The following KCNC2 variants were observed in gnomAD, a reference collection of about 807,000 sequenced individuals.
The protein encoded by KCNC2 is voltage-gated potassium channel KCNC2.
A neutral mutation model predicts 44.5 loss-of-function variants in KCNC2; 21 were observed. That is an observed-to-expected ratio of 0.47 (90% confidence interval 0.33 to 0.68). The LOEUF (loss-of-function observed/expected upper bound fraction) is 0.68. Ranked by LOEUF, KCNC2 falls within the 30% of genes least tolerant of loss-of-function variation. The probability of loss-of-function intolerance (pLI) is 0.01; values close to 1 mark genes in which losing one functional copy is unlikely to be tolerated. For missense variants in KCNC2, 589 were observed against 826.2 expected (o/e 0.71, Z 3.52); for synonymous variants, 391 against 339.1 (o/e 1.15, Z -1.68).
At chr12:75,050,322 G>C in intron 3 of KCNC2, 68 bp downstream of exon 3, 1 of 1,111,650 alleles carries the variant, frequency 9.0e-7, no homozygotes, top group Non-Finnish European at 1.3e-6. Context: ...GAGAATGACT[G>C]CCTTCTGCCT....
At chr12:75,174,112 A>C (rs1215921970) in intron 2 of KCNC2, among the ~76,000 whole-genome samples, 1 of 150,482 alleles carries the variant, frequency 6.6e-6, no homozygotes, top group Non-Finnish European at 1.5e-5. Flanking sequence ...ATTTAAGTTA[A>C]ATACTGTTCT....
In KCNC2 at chr12:75,092,215, A is replaced by G. The variant is rs1885544975; in HGVS notation, c.688-40898T>C. Among the ~76,000 whole-genome samples, 5 of 151,796 alleles carry G rather than the reference A, an allele frequency of 3.3e-5. No homozygotes were observed. In the South Asian group the frequency reaches 1.0e-3, roughly 31 times the overall value. ...CTGCACTTAAGAACAAAGTAAAAGC[A>G]ACTGAATGGCAAAGTCAAAGCCACG... is the stretch of plus-strand genomic sequence containing the variant. On this transcript the variant is annotated intron_variant, in intron 2 of 4. Coordinates refer to ENST00000549446, the MANE Select transcript of KCNC2 (RefSeq NM_139137.4).
chr12:75,100,115 T>C (rs554246481), intron 2 of KCNC2, among the ~76,000 whole-genome samples: 43 of 151,504 alleles, frequency 2.8e-4, no homozygotes, highest in Non-Finnish European at 4.4e-4. Context: ...GGGTTCATCA[T>C]AAGATTTAGT....
intron 2 of KCNC2, among the ~76,000 whole-genome samples, chr12:75,167,461 C>G (rs1891534814): frequency 6.6e-6 from 1 of 151,072 alleles, no homozygotes; most frequent in Admixed American, 6.6e-5. Context: ...GTAATAATTA[C>G]AAGGTAGGAA....
chr12:75,185,910 G>C (rs926850950), intron 2 of KCNC2, among the ~76,000 whole-genome samples: 1 of 151,862 alleles, frequency 6.6e-6, no homozygotes, highest in African/African-American at 2.4e-5. Context: ...GCCGGTCATG[G>C]TGGCAGGTGC....
chr12:75,125,740 G>A (rs878979215), intron 2 of KCNC2, among the ~76,000 whole-genome samples: 10 of 152,066 alleles, frequency 6.6e-5, no homozygotes, highest in Admixed American at 3.3e-4. Flanking sequence ...GCCAATTTAC[G>A]TGCCAAACTC....
intron 2 of KCNC2, among the ~76,000 whole-genome samples, chr12:75,135,045 C>T (rs1400605458): frequency 6.6e-6 from 1 of 151,706 alleles, no homozygotes; most frequent in African/African-American, 2.4e-5. Flanking sequence ...AAAATATTTT[C>T]GTATTTATAC....
At chr12:75,149,977 T>C (rs2137457412) in intron 2 of KCNC2, among the ~76,000 whole-genome samples, 1 of 151,938 alleles carries the variant, frequency 6.6e-6, no homozygotes, top group Admixed American at 6.6e-5. Context: ...CATGGACATT[T>C]TAATTTGCCA....
At chr12:75,121,861 G>T (rs1036144322) in intron 2 of KCNC2, among the ~76,000 whole-genome samples, 9 of 152,094 alleles carry the variant, frequency 5.9e-5, no homozygotes, top group African/African-American at 2.2e-4. Flanking sequence ...GAAAAGAAAA[G>T]TGAGGCCCTT....
intron 2 of KCNC2, among the ~76,000 whole-genome samples, chr12:75,167,162 C>T (rs1323225082): frequency 1.3e-5 from 2 of 151,254 alleles, no homozygotes; most frequent in South Asian, 4.1e-4. Context: ...CAACTATATA[C>T]TGACAAATTA....
intron 2 of KCNC2, among the ~76,000 whole-genome samples, chr12:75,197,111 C>T (rs2030837377): frequency 6.6e-6 from 1 of 152,116 alleles, no homozygotes; most frequent in East Asian, 1.9e-4. Context: ...TTTTAGTCAA[C>T]ATCTTAGGTG....
At chr12:75,086,660 C>CAA (rs751242858) in intron 2 of KCNC2, among the ~76,000 whole-genome samples, 33 of 116,972 alleles carry the variant, frequency 2.8e-4, no homozygotes, top group Admixed American at 3.9e-4. Context: ...GTTCATTTGG[C>CAA]AAAAAAAAAA....
intron 2 of KCNC2, among the ~76,000 whole-genome samples, chr12:75,172,220 A>G (rs1199772870): frequency 6.6e-6 from 1 of 151,812 alleles, no homozygotes; most frequent in Non-Finnish European, 1.5e-5. Context: ...AAACCAACGC[A>G]GGAACAGAAA....
intron 2 of KCNC2, among the ~76,000 whole-genome samples, chr12:75,064,387 A>G (rs1326530791): frequency 1.3e-5 from 2 of 151,952 alleles, no homozygotes; most frequent in African/African-American, 4.8e-5. Flanking sequence ...CATGTTATCA[A>G]TGTGATTGTT....
In KCNC2 at chr12:75,042,207, T is replaced by C. The variant is rs1297584557; in HGVS notation, c.*898A>G. 1.9e-5 allele frequency: 10 copies of C among 513,016 alleles called. No homozygotes were observed. Among genetic ancestry groups the C allele is most frequent in the Non-Finnish European group, 2.7e-5 (10 of 365,388 alleles). The allele number at this position is 513,016 out of a possible 1,614,324, so 31.8% of individuals were successfully genotyped here. ...TGAAAATGATGACAAACCCTGGGTATTTTTTTTTTTTAAAGAGTCTAGAAC... is the reference window on the plus strand; with the variant it reads ...TGAAAATGATGACAAACCCTGGGTACTTTTTTTTTTTAAAGAGTCTAGAAC... On this transcript the variant is annotated 3_prime_UTR_variant, in exon 5 of 5. Transcript: ENST00000549446.
rs1467475171 is a variant in KCNC2, at chr12:75,040,632, A to T, written c.*2473T>A. 1 of 156,524 alleles carries T rather than the reference A, an allele frequency of 6.4e-6. No homozygotes were observed. Among genetic ancestry groups the T allele is most frequent in the Non-Finnish European group, 1.4e-5 (1 of 70,122 alleles). The allele number at this position is 156,524 out of a possible 1,614,324, so 9.7% of individuals were successfully genotyped here. On this transcript the variant is annotated 3_prime_UTR_variant, in exon 5 of 5. Coordinates refer to ENST00000549446, the MANE Select transcript of KCNC2 (RefSeq NM_139137.4). ...GAACTAAACAAATATGTGACTAAAC[A>T]TAGGTCATTTTTGATAAATGAATAC...
intron 2 of KCNC2, among the ~76,000 whole-genome samples, chr12:75,053,399 G>GTA (rs60991428): frequency 0.037 from 5,598 of 152,070 alleles, 349 homozygotes; most frequent in African/African-American, 0.13. Context: ...GTGCGTGTGT[G>GTA]TTTGTGTGTA....
Position 75,041,473 on chromosome 12 carries a change from T to C in KCNC2, c.*1632A>G. 1 of 1,221,414 alleles carries C rather than the reference T, an allele frequency of 8.2e-7. No individual in the cohort carries two copies. Among genetic ancestry groups the C allele is most frequent in the Non-Finnish European group, 1.0e-6 (1 of 968,878 alleles). The allele number at this position is 1,221,414 out of a possible 1,614,324, so 75.7% of individuals were successfully genotyped here. On this transcript the variant is annotated 3_prime_UTR_variant, in exon 5 of 5. Transcript: ENST00000549446. ...CCTAACAAAAAATAAACATGAGAAA[T>C]AGGAATTAATCAGCAGTCTCAAGGC...
chr12:75,054,737 T>C (rs569591046), intron 2 of KCNC2, among the ~76,000 whole-genome samples: 3 of 152,142 alleles, frequency 2.0e-5, no homozygotes, highest in Non-Finnish European at 2.9e-5. Flanking sequence ...AGGGGAAATG[T>C]AGCACCCATG....
Sources: allele counts gnomAD v4.1 joint callset (sites outside exome capture counted in the v4.1 genomes callset), GRCh38; gene constraint gnomAD v4.1.1; transcripts MANE v1.5; gene names NCBI Gene and HGNC (gene_info 2026-07-23, HGNC 2026-07-21).